The following CHIC2 variants were observed in gnomAD, a reference collection of about 807,000 sequenced individuals.
The protein encoded by CHIC2 is cysteine rich hydrophobic domain 2.
In CHIC2, 14 loss-of-function variants were observed where a neutral mutation model predicts 25.9. The ratio of observed to expected loss-of-function variants is 0.54; its 90% CI spans 0.36 to 0.85. The LOEUF (loss-of-function observed/expected upper bound fraction) is 0.85. Among genes scored for constraint, CHIC2 ranks in the 40% least tolerant of loss-of-function variants. CHIC2 has a pLI of 0.01. For missense variants in CHIC2, 146 were observed against 202.0 expected (o/e 0.72, Z 1.68); for synonymous variants, 70 against 72.0 (o/e 0.97, Z 0.14).
intron 3 of CHIC2, among the ~76,000 whole-genome samples, chr4:54,028,057 T>C (rs1174684376): frequency 6.6e-6 from 1 of 152,152 alleles, no homozygotes; most frequent in Non-Finnish European, 1.5e-5. Context: ...ACTGTTTGTG[T>C]CTTCAAGAAA....
At chr4:54,032,831 T>C (rs1716275917) in intron 3 of CHIC2, among the ~76,000 whole-genome samples, 1 of 152,210 alleles carries the variant, frequency 6.6e-6, no homozygotes, top group African/African-American at 2.4e-5. Flanking sequence ...CAACATTTAG[T>C]ATAGTCTTTT....
At chr4:54,087,449 T>C in the CHIC2 span, 4 of 656,084 alleles carry the variant, frequency 6.1e-6, no homozygotes, top group South Asian at 6.9e-5. Flanking sequence ...TAATAAGGCA[T>C]AGGCAGTTAA....
chr4:54,043,543 C>G (rs1245798441), intron 3 of CHIC2, among the ~76,000 whole-genome samples: 1 of 151,814 alleles, frequency 6.6e-6, no homozygotes, highest in Admixed American at 6.6e-5. Flanking sequence ...ATTTCATATC[C>G]AGCCAAACTA....
intron 3 of CHIC2, among the ~76,000 whole-genome samples, chr4:54,020,670 T>A (rs1462963962): frequency 6.6e-6 from 1 of 152,102 alleles, no homozygotes; most frequent in African/African-American, 2.4e-5. Context: ...GTCTTTTCAC[T>A]CTCTTCTCCA....
At chr4:54,089,273 A>G in the CHIC2 span, among the ~76,000 whole-genome samples, 1 of 152,056 alleles carries the variant, frequency 6.6e-6, no homozygotes, top group South Asian at 2.1e-4. Flanking sequence ...TCCTTGGGAA[A>G]ACATCTCAAT....
chr4:54,088,583 AG>A, the CHIC2 span, among the ~76,000 whole-genome samples: 4 of 152,206 alleles, frequency 2.6e-5, no homozygotes, highest in African/African-American at 9.7e-5. Flanking sequence ...AGGAAAACAG[AG>A]GGAGCAAGTA....
the CHIC2 span, among the ~76,000 whole-genome samples, chr4:54,083,018 CT>C: frequency 0.018 from 1,213 of 67,866 alleles, 4 homozygotes; most frequent in African/African-American, 0.049. Context: ...TTCTTTCTTT[CT>C]TTTTTTTTTT....
chr4:54,025,123 G>A (rs1043747608), intron 3 of CHIC2, among the ~76,000 whole-genome samples: 2 of 151,538 alleles, frequency 1.3e-5, no homozygotes, highest in African/African-American at 4.9e-5. Context: ...GGAATGTCAG[G>A]CCTCTGAGCC....
upstream of CHIC2, chr4:54,064,789 C>T (rs1673026798): frequency 7.7e-6 from 3 of 388,368 alleles, no homozygotes; most frequent in African/African-American, 2.2e-5. The surrounding 1 kb of genome is among the most constrained non-coding windows in gnomAD (Gnocchi z 4.2). Context: ...TCTGCTTCTA[C>T]CCGCAGACGG....
intron 1 of CHIC2, chr4:54,059,698 T>C (rs1717275164): frequency 6.6e-6 from 1 of 152,200 alleles, no homozygotes; most frequent in African/African-American, 2.4e-5. Context: ...TTATAGAACA[T>C]TGTTTGCCTT....
chr4:54,044,099 A>G (rs533887555), intron 3 of CHIC2, among the ~76,000 whole-genome samples: 2 of 152,280 alleles, frequency 1.3e-5, no homozygotes, highest in South Asian at 2.1e-4. Context: ...AACAAGAAGA[A>G]CTAACTATCC....
At chr4:54,075,278 A>G in the CHIC2 span, among the ~76,000 whole-genome samples, 3 of 152,248 alleles carry the variant, frequency 2.0e-5, no homozygotes, top group African/African-American at 4.8e-5. Flanking sequence ...ATTTAAAGAT[A>G]TCAATGTGTC....
chr4:54,043,502 C>A (rs1290715541), intron 3 of CHIC2, among the ~76,000 whole-genome samples: 2 of 150,888 alleles, frequency 1.3e-5, no homozygotes, highest in African/African-American at 4.9e-5. Flanking sequence ...CAATATTCAA[C>A]ATTCTTAAAG....
chr4:54,012,022 A>T (rs1715609799), intron 5 of CHIC2, among the ~76,000 whole-genome samples: 1 of 152,006 alleles, frequency 6.6e-6, no homozygotes, highest in African/African-American at 2.4e-5. Context: ...ATTTTTATAA[A>T]TTTTTTAAGC....
At position 54,064,525 on chromosome 4, in the gene CHIC2, G is replaced by A. The variant is rs371173522; in HGVS notation, c.-225C>T. On this transcript the variant is annotated 5_prime_UTR_variant, in exon 1 of 6. Transcript: ENST00000263921. The surrounding 1 kb of genome is among the most constrained non-coding windows in gnomAD (Gnocchi z 4.2). ...CCATCAGCAATAACAACAACACAAT[G>A]TCAACATCCGCCCAGAGGCCGACAC... The A allele has an allele frequency of 2.2e-5, 31 of 1,388,868 alleles. 1 individual carries two copies. In the South Asian group the frequency reaches 4.3e-4, roughly 19 times the overall value. 86.0% of individuals were successfully genotyped at this position (1,388,868 alleles called of 1,614,324 possible).
At chr4:54,069,457 C>T (rs527921904), upstream of CHIC2, among the ~76,000 whole-genome samples, 7 of 152,366 alleles carry the variant, frequency 4.6e-5, no homozygotes, top group East Asian at 1.9e-4. Context: ...TCCCAGCACA[C>T]GGATGAGTTC....
At chr4:54,029,830 T>G (rs1490502684) in intron 3 of CHIC2, among the ~76,000 whole-genome samples, 1 of 152,200 alleles carries the variant, frequency 6.6e-6, no homozygotes, top group Non-Finnish European at 1.5e-5. Context: ...ATACCAATAT[T>G]CTTAGCTTTC....
At chr4:54,025,838 G>C (rs1446262906) in intron 3 of CHIC2, among the ~76,000 whole-genome samples, 2 of 143,282 alleles carry the variant, frequency 1.4e-5, no homozygotes, top group South Asian at 4.5e-4. Context: ...CTGGGCAACA[G>C]AGTAAGACCC....
chr4:54,052,965 T>A (rs1418338383), intron 1 of CHIC2, among the ~76,000 whole-genome samples: 3 of 150,746 alleles, frequency 2.0e-5, no homozygotes, highest in Non-Finnish European at 4.4e-5. Flanking sequence ...ATTTTAGGAA[T>A]GGTTAAGAAA....
Sources: gnomAD v4.1 joint callset for allele counts (sites outside exome capture counted in the v4.1 genomes callset) on GRCh38, gnomAD v4.1.1 for gene constraint, Gnocchi (gnomAD v3.1) non-coding constraint, MANE v1.5 for transcripts, NCBI Gene and HGNC (gene_info 2026-07-23, HGNC 2026-07-21) for gene names.